Variants in TMCO6 observed in about 807,000 individuals in gnomAD.
The protein encoded by TMCO6 is transmembrane and coiled-coil domains 6, also known as transmembrane and coiled-coil domain-containing protein 6.
A neutral mutation model predicts 61.8 loss-of-function variants in TMCO6; 47 were observed. The ratio of observed to expected loss-of-function variants is 0.76; its 90% confidence interval spans 0.60 to 0.97. TMCO6 has a LOEUF of 0.97. TMCO6 is among the 50% of genes least tolerant of loss of function. The probability of loss-of-function intolerance (pLI) is 0.00; values close to 1 mark genes in which losing one functional copy is unlikely to be tolerated. For synonymous variants in TMCO6, 261 were observed against 254.2 expected, an observed-to-expected ratio of 1.03 and a Z score of -0.25; for missense variants, 557 against 601.6, an observed-to-expected ratio of 0.93 and a Z score of 0.78.
chr5:140,602,416 C>G, the TMCO6 span, among the ~76,000 whole-genome samples: 1 of 152,118 alleles, frequency 6.6e-6, no homozygotes, highest in African/African-American at 2.4e-5. Flanking sequence ...AGTTTCATTT[C>G]GTCTTTTTGA....
chr5:140,639,170 T>G, upstream of TMCO6: 1 of 226,760 alleles, frequency 4.4e-6, no homozygotes, highest in Non-Finnish European at 9.0e-6. Context: ...CTAGAGCGTA[T>G]TGTGGGTGGG....
At chr5:140,621,867 G>A in the TMCO6 span, among the ~76,000 whole-genome samples, 1 of 152,124 alleles carries the variant, frequency 6.6e-6, no homozygotes, top group African/African-American at 2.4e-5. Context: ...AGCGCTCCCA[G>A]GCTTATTAGG....
chr5:140,623,044 T>C, the TMCO6 span, among the ~76,000 whole-genome samples: 1 of 152,244 alleles, frequency 6.6e-6, no homozygotes, highest in Non-Finnish European at 1.5e-5. Flanking sequence ...CTTTGAATTC[T>C]CAAGGTATAA....
chr5:140,612,326 T>C, the TMCO6 span, among the ~76,000 whole-genome samples: 1 of 142,874 alleles, frequency 7.0e-6, no homozygotes. Context: ...TAACACAACT[T>C]GCCCAATCTT....
the TMCO6 span, among the ~76,000 whole-genome samples, chr5:140,602,240 CT>C: frequency 6.6e-6 from 1 of 152,156 alleles, no homozygotes; most frequent in Non-Finnish European, 1.5e-5. Context: ...CTCTCACTTC[CT>C]ACACTTGCAA....
At chr5:140,647,004 C>G, downstream of TMCO6, 1 of 449,562 alleles carries the variant, frequency 2.2e-6, no homozygotes, top group Admixed American at 4.0e-5. Context: ...GAAGCCCATT[C>G]TTAACTACAA....
chr5:140,609,433 C>A, the TMCO6 span: 1 of 190,666 alleles, frequency 5.2e-6, no homozygotes, highest in South Asian at 8.7e-5. Flanking sequence ...ATAATAAAAT[C>A]TTTATTTTAT....
At chr5:140,645,800 A>C (rs1757358699), downstream of TMCO6, 3 of 1,478,172 alleles carry the variant, frequency 2.0e-6, no homozygotes, top group Non-Finnish European at 2.8e-6. Context: ...AAGAGATATG[A>C]TCAAAATACA....
At chr5:140,647,645 C>T (rs1757489213), downstream of TMCO6, 1 of 1,575,076 alleles carries the variant, frequency 6.3e-7, no homozygotes, top group Non-Finnish European at 8.6e-7. Context: ...GTCTGACCAA[C>T]CGCGGACCCT....
chr5:140,624,840 C>T, the TMCO6 span, among the ~76,000 whole-genome samples: 2 of 138,138 alleles, frequency 1.4e-5, no homozygotes, highest in African/African-American at 2.7e-5. Context: ...ACCATCATTT[C>T]TTTCTTTCTT....
At chr5:140,605,572 T>G in the TMCO6 span, among the ~76,000 whole-genome samples, 3 of 151,718 alleles carry the variant, frequency 2.0e-5, no homozygotes, top group Admixed American at 2.0e-4. Flanking sequence ...CCCAGCTACT[T>G]GGGAGGCTGA....
At chr5:140,632,203 G>T in the TMCO6 span, 1 of 1,613,560 alleles carries the variant, frequency 6.2e-7, no homozygotes, top group Non-Finnish European at 8.5e-7. The surrounding 1 kb of genome is among the most constrained non-coding windows in gnomAD (Gnocchi z 6.2). Flanking sequence ...GTGGCGCGCA[G>T]CGAGTTGTGG....
At chr5:140,617,580 C>T in the TMCO6 span, among the ~76,000 whole-genome samples, 1 of 150,446 alleles carries the variant, frequency 6.6e-6, no homozygotes, top group Non-Finnish European at 1.5e-5. Context: ...AATACAAATA[C>T]AAAAATTAGC....
At chr5:140,622,741 AAG>A in the TMCO6 span, among the ~76,000 whole-genome samples, 8 of 151,126 alleles carry the variant, frequency 5.3e-5, no homozygotes, top group Non-Finnish European at 1.2e-4. Context: ...AAAAAAAAAA[AAG>A]AAAGAAAAAA....
rs1475974795 is a variant in TMCO6 at position 140,645,116 on chromosome 5, A to G, written c.*18A>G. The G allele has an allele frequency of 6.2e-7, 1 of 1,607,798 alleles. No homozygotes were observed. Among genetic ancestry groups the G allele is most frequent in the Non-Finnish European group, 8.5e-7 (1 of 1,174,660 alleles). On this transcript the variant is annotated 3_prime_UTR_variant, in exon 12 of 12. Coordinates refer to ENST00000394671, the MANE Select transcript of TMCO6 (RefSeq NM_018502.5). ...AAGGGTGATCTTGTTTCTCAATGTC[A>G]CTCATTCCCCTCTCTCTTAACATCA...
At chr5:140,646,010 T>TC (rs1491287667), downstream of TMCO6, among the ~76,000 whole-genome samples, 2 of 44,960 alleles carry the variant, frequency 4.4e-5, no homozygotes, top group Non-Finnish European at 9.5e-5. Context: ...ATTCTCTCTC[T>TC]TTTTTTTTTT....
chr5:140,642,288 C>A, intron 4 of TMCO6, 27 bp from the exon 5 acceptor site: 2 of 1,583,122 alleles, frequency 1.3e-6, no homozygotes, highest in Non-Finnish European at 1.7e-6. Flanking sequence ...ACAGGCCAAG[C>A]CCAGTGCTTT....
At chr5:140,640,023 C>G (rs1361583464) in intron 2 of TMCO6, among the ~76,000 whole-genome samples, 172 bp downstream of exon 2, 1 of 152,198 alleles carries the variant, frequency 6.6e-6, no homozygotes, top group Non-Finnish European at 1.5e-5. Context: ...ACCCACAACC[C>G]CATATCGATC....
chr5:140,646,294 A>AACC (rs929534694), downstream of TMCO6, among the ~76,000 whole-genome samples: 1 of 152,234 alleles, frequency 6.6e-6, no homozygotes, highest in African/African-American at 2.4e-5. Flanking sequence ...TACAGGCGTG[A>AACC]ACCACCGCAC....
Sources: allele counts gnomAD v4.1 joint callset (sites outside exome capture counted in the v4.1 genomes callset), GRCh38; gene constraint gnomAD v4.1.1; non-coding constraint Gnocchi (gnomAD v3.1); transcripts MANE v1.5; gene names NCBI Gene and HGNC (gene_info 2026-07-23, HGNC 2026-07-21).